The following TVP23A variants were observed in gnomAD, a reference collection of about 807,000 sequenced individuals.
TVP23A encodes Golgi apparatus membrane protein TVP23 homolog A.
A neutral mutation model predicts 31.7 loss-of-function variants in TVP23A; 21 were observed. The observed-to-expected ratio is 0.66, with a 90% CI of 0.47 to 0.95. The LOEUF (loss-of-function observed/expected upper bound fraction) is 0.95. TVP23A is among the 40% of genes least tolerant of loss of function. The probability of loss-of-function intolerance (pLI) is 0.00; values close to 1 mark genes in which losing one functional copy is unlikely to be tolerated. For synonymous variants in TVP23A, 104 were observed against 96.0 expected (o/e 1.08, Z -0.49); for missense variants, 279 against 255.6 (o/e 1.09, Z -0.62).
downstream of TVP23A, among the ~76,000 whole-genome samples, chr16:10,758,809 C>T (rs530024809): frequency 3.3e-5 from 5 of 152,274 alleles, no homozygotes; most frequent in East Asian, 3.9e-4. Context: ...TGGGTGCCTT[C>T]GCTTCTTCCG....
intron 2 of TVP23A, among the ~76,000 whole-genome samples, chr16:10,815,614 G>C (rs917538172): frequency 6.6e-6 from 1 of 152,104 alleles, no homozygotes; most frequent in Non-Finnish European, 1.5e-5. Flanking sequence ...AACATCCCAC[G>C]GTGCACAGGA....
intron 7 of TVP23A, 81 bp from the exon 8 acceptor site, chr16:10,769,182 G>C (rs1367835881): frequency 2.0e-5 from 27 of 1,358,458 alleles, no homozygotes; most frequent in Admixed American, 5.2e-5. Flanking sequence ...GACCCGACCA[G>C]CTCCGGGATG....
intron 2 of TVP23A, among the ~76,000 whole-genome samples, chr16:10,799,956 C>A (rs190701045): frequency 6.7e-6 from 1 of 149,410 alleles, no homozygotes; most frequent in Non-Finnish European, 1.5e-5. Context: ...ACAGAGATTG[C>A]AGAAGTTATG....
chr16:10,775,131 G>T, intron 2 of TVP23A, 35 bp from the exon 3 acceptor site: 1 of 1,583,994 alleles, frequency 6.3e-7, no homozygotes. Flanking sequence ...CTCACTCCAA[G>T]AGCTAAGCGG....
chr16:10,766,722 G>A lies in TVP23A; in HGVS notation c.*2380C>T, dbSNP rs3762185. The stretch of plus-strand genomic sequence containing the variant: ...TATTGAAAATGAAAGTCAACTCCAC[G>A]GTGTGGGAGGAGAACGGGCCTGAGA... On this transcript the variant is annotated 3_prime_UTR_variant, in exon 8 of 8. Transcript: ENST00000299866. This position sits in a 1 kb window ranked among gnomAD's most constrained non-coding sequence, Gnocchi z 4.8. The A allele has an allele frequency of 2.6e-4, 101 of 389,884 alleles. No homozygotes were observed. The South Asian group carries it at 6.4e-3, about 25-fold the overall frequency. The allele number at this position is 389,884 out of a possible 1,614,324, so 24.2% of individuals were successfully genotyped here.
At chr16:10,769,411 G>C in intron 7 of TVP23A, 1 of 329,818 alleles carries the variant, frequency 3.0e-6, no homozygotes, top group South Asian at 5.6e-5. Context: ...GGATTCTGCT[G>C]TGTCGGAAGC....
At position 10,777,983 on chromosome 16, in the gene TVP23A, C is replaced by T. The variant is rs534096978; in HGVS notation, c.90-2887G>A. 1.6e-3 allele frequency among the ~76,000 whole-genome samples: 248 copies of T among 151,586 alleles called. No individual in the cohort carries two copies. Among genetic ancestry groups the T allele is most frequent in the African/African-American group, 5.6e-3 (233 of 41,284 alleles). On this transcript the variant is annotated intron_variant, in intron 2 of 7. Transcript: ENST00000299866. This position sits in a 1 kb window ranked among gnomAD's most constrained non-coding sequence, Gnocchi z 4.5. ...TTGAGATCGTACTACTGCACTCCAG[C>T]CTGGTGACAGAGCGAGACTCCGTCT...
At chr16:10,785,096 CAAAA>C (rs56109185) in intron 2 of TVP23A, among the ~76,000 whole-genome samples, 1 of 76,338 alleles carries the variant, frequency 1.3e-5, no homozygotes, top group Admixed American at 1.5e-4. Flanking sequence ...GACTCCGTCT[CAAAA>C]AAAAAAAAAA....
At position 10,813,264 on chromosome 16, in the gene TVP23A, A is replaced by C. The variant is rs142766924; in HGVS notation, c.89+4839T>G. On this transcript the variant is annotated intron_variant, in intron 2 of 7. Coordinates refer to ENST00000299866, the MANE Select transcript of TVP23A (RefSeq NM_001079512.4). ...AATGGAGGCCCAGCAAAGTAAGGTG[A>C]CCTGTCCAAAAATCACAAAGCCAGA... 5.9e-5 allele frequency among the ~76,000 whole-genome samples: 9 copies of C among 152,368 alleles called. No homozygotes were observed. In the East Asian group the frequency reaches 1.7e-3, roughly 29 times the overall value.
intron 2 of TVP23A, among the ~76,000 whole-genome samples, chr16:10,798,448 C>T (rs74007551): frequency 4.6e-5 from 7 of 151,990 alleles, no homozygotes; most frequent in African/African-American, 9.7e-5. Flanking sequence ...GATACCCATG[C>T]GTTTGTTCCT....
intron 7 of TVP23A, 100 bp from the exon 8 acceptor site, chr16:10,769,201 C>T (rs1175504018): frequency 1.7e-5 from 19 of 1,121,918 alleles, no homozygotes; most frequent in Non-Finnish European, 2.4e-5. Context: ...TGGGGTGGGT[C>T]ACAGCAAAAG....
intron 5 of TVP23A, 21 bp downstream of exon 5, chr16:10,773,292 G>T: frequency 6.3e-7 from 1 of 1,581,490 alleles, no homozygotes; most frequent in South Asian, 1.2e-5. Context: ...AAGCAATGTG[G>T]AAGTCAAGAT....
chr16:10,818,614 G>C lies in TVP23A; in HGVS notation c.-121C>G, dbSNP rs1040365502. On this transcript the variant is annotated 5_prime_UTR_variant, in exon 1 of 8. Transcript: ENST00000299866. The surrounding 1 kb of genome is among the most constrained non-coding windows in gnomAD (Gnocchi z 4.7). ...AGCAGACGGTGGACGCTGAGGGTCG[G>C]GGCCTGCGCCCTGTGGGGCAGCCTC... is the stretch of plus-strand genomic sequence containing the variant. The C allele has an allele frequency of 7.7e-7, 1 of 1,296,196 alleles. No individual in the cohort carries two copies. Among genetic ancestry groups the C allele is most frequent in the Admixed American group, 2.7e-5 (1 of 36,578 alleles). 80.3% of individuals were successfully genotyped at this position (1,296,196 alleles called of 1,614,324 possible).
chr16:10,763,213 G>A (rs1014290895), downstream of TVP23A, among the ~76,000 whole-genome samples: 3 of 152,114 alleles, frequency 2.0e-5, no homozygotes, highest in African/African-American at 4.8e-5. Flanking sequence ...AGGTTCTGGG[G>A]TCCGTCAGGA....
chr16:10,761,136 A>G, downstream of TVP23A: 1 of 428,316 alleles, frequency 2.3e-6, no homozygotes, highest in Non-Finnish European at 4.3e-6. Flanking sequence ...CCCATGATCC[A>G]ATCACCTCCC....
chr16:10,773,582 T>C, intron 4 of TVP23A, 141 bp from the exon 5 acceptor site: 2 of 1,148,110 alleles, frequency 1.7e-6, no homozygotes, highest in Non-Finnish European at 2.4e-6. Context: ...TGTTTTGTTT[T>C]GTTTTTGAGA....
chr16:10,774,916 T>C (rs769973337), intron 3 of TVP23A, 36 bp downstream of exon 3: 2 of 1,594,558 alleles, frequency 1.3e-6, no homozygotes, highest in Non-Finnish European at 8.6e-7. Flanking sequence ...AAGCCTCGTG[T>C]TTCGGAAGTG....
downstream of TVP23A, chr16:10,763,485 T>A (rs905447067): frequency 6.6e-6 from 1 of 152,262 alleles, no homozygotes; most frequent in South Asian, 2.1e-4. Context: ...TTCTCTGGCA[T>A]GTGATTTCCC....
At position 10,793,994 on chromosome 16, in the gene TVP23A, T is replaced by A. The variant is rs140945007; in HGVS notation, c.90-18898A>T. ...GATCAAGGTGCCAGCACACTCGGTA[T>A]CTGGTGAGGGTCCGGTCTCTGCTCC... On this transcript the variant is annotated intron_variant, in intron 2 of 7. Coordinates refer to ENST00000299866, the MANE Select transcript of TVP23A (RefSeq NM_001079512.4). Among the ~76,000 whole-genome samples, 389 of 149,638 alleles carry A rather than the reference T, an allele frequency of 2.6e-3. 3 individuals carry two copies. Among genetic ancestry groups the A allele is most frequent in the African/African-American group, 9.1e-3 (368 of 40,616 alleles).
Sources: allele counts gnomAD v4.1 joint callset (sites outside exome capture counted in the v4.1 genomes callset), GRCh38; gene constraint gnomAD v4.1.1; non-coding constraint Gnocchi (gnomAD v3.1); transcripts MANE v1.5; gene names NCBI Gene and HGNC (gene_info 2026-07-23, HGNC 2026-07-21).